HDAC4: variants seen among roughly 807,000 people sequenced by gnomAD.
HDAC4 encodes the protein histone deacetylase 4.
HDAC4 carries 16 observed loss-of-function variants against 135.1 expected under a neutral mutation model. The ratio of observed to expected loss-of-function variants is 0.12; its 90% CI spans 0.08 to 0.18. HDAC4 has a LOEUF of 0.18. Ranked by LOEUF, HDAC4 falls within the 10% of genes least tolerant of loss-of-function variation. HDAC4 has a pLI of 1.00. For synonymous variants in HDAC4, 685 were observed against 653.4 expected (o/e 1.05, Z -0.74); for missense variants, 1,143 against 1,511.8 (o/e 0.76, Z 4.05).
chr2:239,107,451 A>G (rs952649073), intron 15 of HDAC4, among the ~76,000 whole-genome samples: 5 of 152,198 alleles, frequency 3.3e-5, no homozygotes, highest in African/African-American at 1.2e-4. Context: ...ACTCAGCCAC[A>G]TAAGGGAGCT....
chr2:239,224,382 G>A (rs545962539), intron 3 of HDAC4, among the ~76,000 whole-genome samples: 1 of 152,314 alleles, frequency 6.6e-6, no homozygotes, highest in South Asian at 2.1e-4. Context: ...GTCACGTGGT[G>A]TCGCTTCTCT....
At chr2:239,278,207 G>A (rs2050501751) in intron 2 of HDAC4, among the ~76,000 whole-genome samples, 1 of 151,088 alleles carries the variant, frequency 6.6e-6, no homozygotes, top group African/African-American at 2.4e-5. Flanking sequence ...AAAACAGACT[G>A]GTAACAAAGC....
In HDAC4 at chr2:239,314,136, A is replaced by C. The variant is rs549690865; in HGVS notation, c.22+38542T>G. On this transcript the variant is annotated intron_variant, in intron 2 of 26. Coordinates refer to ENST00000543185, the MANE Select transcript of HDAC4 (RefSeq NM_001378414.1). ...GAGCATCCCTAGCACCTGCAAACAC[A>C]GGCATGTCCCAGGTGGCACCTCCCA... Among the ~76,000 whole-genome samples, 373 of 152,300 alleles carry C rather than the reference A, an allele frequency of 2.4e-3. 1 individual carries two copies. The highest frequency in any genetic ancestry group is 8.4e-3 in the African/African-American group (349 of 41,554).
chr2:239,244,870 C>T (rs1026484841), intron 2 of HDAC4, among the ~76,000 whole-genome samples: 6 of 152,196 alleles, frequency 3.9e-5, no homozygotes, highest in Non-Finnish European at 7.3e-5. Flanking sequence ...AGGCTTGATG[C>T]TCCATAAACT....
intron 9 of HDAC4, among the ~76,000 whole-genome samples, chr2:239,136,318 T>C (rs2040953700): frequency 6.6e-6 from 1 of 152,194 alleles, no homozygotes; most frequent in African/African-American, 2.4e-5. Context: ...CTGGCTTAGT[T>C]CACTTAACAT....
intron 3 of HDAC4, among the ~76,000 whole-genome samples, chr2:239,219,816 T>A (rs2046849468): frequency 6.6e-6 from 1 of 152,026 alleles, no homozygotes. Context: ...AAGCATGCAA[T>A]CTACAAAGAT....
At chr2:239,099,031 T>C (rs533781693) in intron 16 of HDAC4, among the ~76,000 whole-genome samples, 66 of 152,334 alleles carry the variant, frequency 4.3e-4, no homozygotes, top group African/African-American at 1.5e-3. Flanking sequence ...TGCAAAGGGA[T>C]GCTGCAGAGA....
At chr2:239,192,830 G>A (rs537015345) in intron 3 of HDAC4, among the ~76,000 whole-genome samples, 3 of 152,322 alleles carry the variant, frequency 2.0e-5, no homozygotes, top group South Asian at 2.1e-4. Flanking sequence ...GCACCCATGG[G>A]TGAACCCATC....
At chr2:239,300,070 CCT>C (rs1407758138) in intron 2 of HDAC4, among the ~76,000 whole-genome samples, 1 of 152,158 alleles carries the variant, frequency 6.6e-6, no homozygotes, top group South Asian at 2.1e-4. Flanking sequence ...CTAGGGCGTC[CCT>C]CTCTCTAACA....
chr2:239,061,682 A>G (rs1031178324), intron 24 of HDAC4, among the ~76,000 whole-genome samples: 8 of 152,214 alleles, frequency 5.3e-5, no homozygotes, highest in Non-Finnish European at 1.2e-4. Flanking sequence ...AATCCAACTC[A>G]GTCCCTCACA....
intron 15 of HDAC4, among the ~76,000 whole-genome samples, chr2:239,106,587 C>T (rs1324230358): frequency 6.6e-6 from 1 of 152,214 alleles, no homozygotes; most frequent in African/African-American, 2.4e-5. Flanking sequence ...CTTCCTCCTC[C>T]CTCCTCCCAG....
intron 24 of HDAC4, among the ~76,000 whole-genome samples, chr2:239,062,159 A>G (rs1444066615): frequency 6.6e-6 from 1 of 152,266 alleles, no homozygotes; most frequent in African/African-American, 2.4e-5. Context: ...ATAACTGAAC[A>G]TGGAAACTAT....
rs970052436 is a variant in HDAC4 at position 239,108,113 on chromosome 2, G to A, written c.2049C>T (p.His683=). 17 of 1,609,630 alleles carry A rather than the reference G, an allele frequency of 1.1e-5. No individual in the cohort carries two copies. Among genetic ancestry groups the A allele is most frequent in the South Asian group, 6.6e-5 (6 of 90,728 alleles). ...ACCAGATGCTCTGGATCCTCCCGGC[G>A]TGCTCGGGGTGGCTGCTGCTACTCC... ...TCGSSSSHPE[H]AGRIQSIWSR... The change falls in exon 15 of 27, where the codon CAC becomes CAT. Residue 683 remains histidine, a synonymous_variant. Coordinates refer to ENST00000543185, the MANE Select transcript of HDAC4 (RefSeq NM_001378414.1).
Position 239,349,888 on chromosome 2 carries a change from G to A in HDAC4, c.22+2790C>T, listed in dbSNP as rs1165550960. Among the ~76,000 whole-genome samples, 1 of 152,214 alleles carries A rather than the reference G, an allele frequency of 6.6e-6. No homozygotes were observed. The highest frequency in any genetic ancestry group is 1.9e-4 in the East Asian group (1 of 5,188). On this transcript the variant is annotated intron_variant, in intron 2 of 26. Transcript: ENST00000543185. The surrounding 1 kb of genome is among the most constrained non-coding windows in gnomAD (Gnocchi z 5.7). ...GGGCAGCCCTGCCCTCACCAGTGCG[G>A]CCTGTCTTCAGCCTCCAACCCACTG...
chr2:239,096,444 A>T, intron 16 of HDAC4, among the ~76,000 whole-genome samples: 1 of 99,636 alleles, frequency 1.0e-5, no homozygotes, highest in East Asian at 3.4e-4. Context: ...CACCCCCATC[A>T]CCCCACCACG....
intron 4 of HDAC4, among the ~76,000 whole-genome samples, chr2:239,179,802 A>AGCCC (rs2044024218): frequency 6.6e-6 from 1 of 152,240 alleles, no homozygotes. Flanking sequence ...ACAGCCTGAG[A>AGCCC]GCCCACGCGG....
chr2:239,233,468 A>C (rs548530590), intron 3 of HDAC4, among the ~76,000 whole-genome samples: 89 of 152,238 alleles, frequency 5.8e-4, no homozygotes, highest in African/African-American at 1.3e-3. Context: ...GAAAAAAAAA[A>C]AAACAAACCC....
chr2:239,375,719 C>T (rs1013589069), intron 1 of HDAC4, among the ~76,000 whole-genome samples: 6 of 152,178 alleles, frequency 3.9e-5, no homozygotes, highest in South Asian at 2.1e-4. Context: ...CGCATGGGGA[C>T]GCTGCTTGCC....
intron 2 of HDAC4, among the ~76,000 whole-genome samples, chr2:239,284,385 A>C (rs1479640675): frequency 6.6e-6 from 1 of 152,206 alleles, no homozygotes; most frequent in Non-Finnish European, 1.5e-5. Context: ...GTGCTGACCC[A>C]GTGATGGCCA....
Sources: gnomAD v4.1 joint callset for allele counts (sites outside exome capture counted in the v4.1 genomes callset) on GRCh38, gnomAD v4.1.1 for gene constraint, Gnocchi (gnomAD v3.1) non-coding constraint, MANE v1.5 for transcripts, NCBI Gene and HGNC (gene_info 2026-07-23, HGNC 2026-07-21) for gene names.